The following OXTR variants were observed in gnomAD, a reference collection of about 807,000 sequenced individuals.
OXTR encodes the protein oxytocin receptor.
A neutral mutation model predicts 23.9 loss-of-function variants in OXTR; 19 were observed. The observed-to-expected ratio is 0.80, with a 90% CI of 0.56 to 1.17. The LOEUF (loss-of-function observed/expected upper bound fraction) is 1.17, where lower values mean the gene tolerates loss of function less well. Ranked by LOEUF, OXTR falls within the 50% of genes most tolerant of loss-of-function variation. OXTR has a pLI of 0.00. For synonymous variants in OXTR, 278 were observed against 250.5 expected, an observed-to-expected ratio of 1.11 and a Z score of -1.04; for missense variants, 500 against 550.7, an observed-to-expected ratio of 0.91 and a Z score of 0.92.
chr3:8,749,289 C>T (rs1708216275), downstream of OXTR, among the ~76,000 whole-genome samples: 1 of 152,114 alleles, frequency 6.6e-6, no homozygotes. Flanking sequence ...ACCCAATGTA[C>T]CCGCCAGAGC....
intron 3 of OXTR, among the ~76,000 whole-genome samples, chr3:8,756,895 G>A (rs932175316): frequency 8.5e-5 from 13 of 152,254 alleles, no homozygotes; most frequent in African/African-American, 3.1e-4. Context: ...CCACAATGAT[G>A]TCAGCGCAGA....
intron 3 of OXTR, among the ~76,000 whole-genome samples, chr3:8,765,455 A>G (rs796480770): frequency 7.9e-5 from 12 of 152,366 alleles, no homozygotes; most frequent in African/African-American, 2.9e-4. Context: ...TTCTAAAAGC[A>G]AGACTAAGGC....
At chr3:8,764,591 T>C (rs917353288) in intron 3 of OXTR, among the ~76,000 whole-genome samples, 1 of 152,212 alleles carries the variant, frequency 6.6e-6, no homozygotes, top group African/African-American at 2.4e-5. Flanking sequence ...CATTTCCACC[T>C]GCCAGTTGCA....
chr3:8,745,621 C>T, downstream of OXTR: 4 of 1,614,130 alleles, frequency 2.5e-6, no homozygotes, highest in Non-Finnish European at 3.4e-6. The surrounding 1 kb of genome is among the most constrained non-coding windows in gnomAD (Gnocchi z 4.8). Flanking sequence ...TCTCCAAGTA[C>T]TGGTGCTACC....
At chr3:8,761,122 G>A (rs62243369) in intron 3 of OXTR, among the ~76,000 whole-genome samples, 23,594 of 152,110 alleles carry the variant, frequency 0.16, 2,105 homozygotes, top group East Asian at 0.31. Context: ...GCCAAAGACT[G>A]TTCAGCCTAA....
chr3:8,758,298 C>T (rs182663622), intron 3 of OXTR, among the ~76,000 whole-genome samples: 23 of 152,282 alleles, frequency 1.5e-4, no homozygotes, highest in African/African-American at 3.1e-4. Context: ...GAACAGCTGA[C>T]GGGCAGCTGG....
chr3:8,744,273 G>A, the OXTR span, among the ~76,000 whole-genome samples: 30 of 141,208 alleles, frequency 2.1e-4, no homozygotes, highest in African/African-American at 7.3e-4. Context: ...TTGACCAGTG[G>A]AATTTTTTTT....
intron 3 of OXTR, among the ~76,000 whole-genome samples, chr3:8,756,234 G>A (rs1708371651): frequency 6.6e-6 from 1 of 152,182 alleles, no homozygotes; most frequent in Non-Finnish European, 1.5e-5. Context: ...ATTTCACAAT[G>A]TTACTTCCAT....
At chr3:8,745,456 C>G (rs546273544), downstream of OXTR, 79 of 1,223,006 alleles carry the variant, frequency 6.5e-5, no homozygotes, top group Admixed American at 1.3e-3. This position sits in a 1 kb window ranked among gnomAD's most constrained non-coding sequence, Gnocchi z 4.8. Flanking sequence ...GACACATGCA[C>G]GCACACACCC....
At chr3:8,745,828 C>T (rs147250678), downstream of OXTR, 626 of 1,613,698 alleles carry the variant, frequency 3.9e-4, 1 homozygote, top group Middle Eastern at 1.2e-3. The surrounding 1 kb of genome is among the most constrained non-coding windows in gnomAD (Gnocchi z 4.8). Flanking sequence ...TGGGCCAGGT[C>T]TGCAGCAGCA....
the OXTR span, chr3:8,745,185 T>C: frequency 3.2e-6 from 1 of 307,790 alleles, no homozygotes; most frequent in South Asian, 3.7e-5. This position sits in a 1 kb window ranked among gnomAD's most constrained non-coding sequence, Gnocchi z 4.8. Flanking sequence ...CCTGCCCAGC[T>C]CTCTCTCTTG....
rs368502709 is a variant in OXTR, at chr3:8,756,136, T to C, written c.923-2912A>G. Among the ~76,000 whole-genome samples the C allele has an allele frequency of 2.6e-5, 4 of 152,274 alleles. No homozygotes were observed. The South Asian group carries it at 8.3e-4, about 32-fold the overall frequency. On this transcript the variant is annotated intron_variant, in intron 3 of 3. Coordinates refer to ENST00000316793, the MANE Select transcript of OXTR (RefSeq NM_000916.4). ...CACTTATTGTATCTTGTATAGGCCA[T>C]AGCATTCCCCTTTCTGATGGCTAGA...
intron 3 of OXTR, among the ~76,000 whole-genome samples, chr3:8,766,419 T>C (rs973086187): frequency 6.6e-6 from 1 of 152,154 alleles, no homozygotes; most frequent in Admixed American, 6.5e-5. Flanking sequence ...GAATGGACAA[T>C]TGCCCCACCT....
At chr3:8,742,207 A>T in the OXTR span, among the ~76,000 whole-genome samples, 29 of 152,254 alleles carry the variant, frequency 1.9e-4, no homozygotes, top group Middle Eastern at 3.4e-3. Context: ...AATCTGAGCT[A>T]GGGGAACAGC....
chr3:8,764,515 T>C (rs1448765789), intron 3 of OXTR, among the ~76,000 whole-genome samples: 1 of 152,238 alleles, frequency 6.6e-6, no homozygotes. Flanking sequence ...GGTTCTCTTT[T>C]ATTCCTTCCT....
chr3:8,768,050 C>A lies in OXTR; in HGVS notation c.138G>T (p.Leu46=). Residue 46 remains leucine, a synonymous_variant, in exon 3 of 4, where the codon CTG becomes CTT. Transcript: ENST00000316793. The surrounding 1 kb of genome is among the most constrained non-coding windows in gnomAD (Gnocchi z 5.4). ...EALARVEVAV[L]CLILLLALSG... Reference sequence around the variant, plus strand: ...TCAGCGCCAGGAGCAGGATGAGACACAGCACCGCCACCTCCACGCGCGCCA... The same window carrying A: ...TCAGCGCCAGGAGCAGGATGAGACAAAGCACCGCCACCTCCACGCGCGCCA... The A allele has an allele frequency of 6.4e-7, 1 of 1,572,826 alleles. No homozygotes were observed. The highest frequency in any genetic ancestry group is 1.7e-4 in the Middle Eastern group (1 of 5,740).
intron 3 of OXTR, among the ~76,000 whole-genome samples, chr3:8,765,021 C>T (rs975460532): frequency 5.3e-5 from 8 of 152,182 alleles, no homozygotes; most frequent in African/African-American, 1.7e-4. Flanking sequence ...AGCAGGAGCC[C>T]GTCTCTACTG....
At chr3:8,745,822 C>G, downstream of OXTR, 1 of 1,613,768 alleles carries the variant, frequency 6.2e-7, no homozygotes, top group Non-Finnish European at 8.5e-7. The surrounding 1 kb of genome is among the most constrained non-coding windows in gnomAD (Gnocchi z 4.8). Flanking sequence ...CGGCCCTGGG[C>G]CAGGTCTGCA....
chr3:8,755,621 A>G (rs1450332260), intron 3 of OXTR, among the ~76,000 whole-genome samples: 1 of 152,240 alleles, frequency 6.6e-6, no homozygotes, highest in Non-Finnish European at 1.5e-5. Context: ...AGTGCCTCTG[A>G]TCCCACCTGG....
Sources: allele counts gnomAD v4.1 joint callset (sites outside exome capture counted in the v4.1 genomes callset), GRCh38; gene constraint gnomAD v4.1.1; non-coding constraint Gnocchi (gnomAD v3.1); transcripts MANE v1.5; gene names NCBI Gene and HGNC (gene_info 2026-07-23, HGNC 2026-07-21).